The following PUS7 variants were observed in gnomAD, a reference collection of about 807,000 sequenced individuals.
The protein encoded by PUS7 is pseudouridylate synthase 7 homolog.
A neutral mutation model predicts 79.8 loss-of-function variants in PUS7; 48 were observed. The ratio of observed to expected loss-of-function variants is 0.60; its 90% CI spans 0.48 to 0.76. The LOEUF (loss-of-function observed/expected upper bound fraction) is 0.76. Among genes scored for constraint, PUS7 ranks in the 30% least tolerant of loss-of-function variants. The pLI is 0.00. For synonymous variants in PUS7, 286 were observed against 272.2 expected, an observed-to-expected ratio of 1.05 and a Z score of -0.50; for missense variants, 729 against 797.6, an observed-to-expected ratio of 0.91 and a Z score of 1.04.
chr7:105,517,965 T>C (rs1825958321), intron 1 of PUS7, among the ~76,000 whole-genome samples: 1 of 152,162 alleles, frequency 6.6e-6, no homozygotes, highest in African/African-American at 2.4e-5. Context: ...CTGGCCAGCA[T>C]GGCGAAACCC....
intron 7 of PUS7, among the ~76,000 whole-genome samples, chr7:105,487,416 G>A (rs1824595397): frequency 6.6e-6 from 1 of 152,130 alleles, no homozygotes; most frequent in Non-Finnish European, 1.5e-5. Flanking sequence ...GTATATATCA[G>A]TATTTTGTTT....
At position 105,472,169 on chromosome 7, in the gene PUS7, T is replaced by C; in HGVS notation, c.1200A>G (p.Thr400=). Residue 400 remains threonine (T), a synonymous_variant, in exon 10 of 16, where the codon ACA becomes ACG. Coordinates refer to ENST00000469408, the MANE Select transcript of PUS7 (RefSeq NM_019042.5). ...GTTTCAATATTAAATCCATGACTTC[T>C]GTCCAGGAATTTTGTAGTATAGCTC... ...VGRAILQNSW[T]EVMDLILKPR... 4 of 1,600,452 alleles carry C rather than the reference T, an allele frequency of 2.5e-6. No individual in the cohort carries two copies. Among genetic ancestry groups the C allele is most frequent in the Non-Finnish European group, 3.4e-6 (4 of 1,169,242 alleles).
intron 1 of PUS7, among the ~76,000 whole-genome samples, chr7:105,512,434 A>T (rs1449229064): frequency 6.6e-6 from 1 of 152,174 alleles, no homozygotes; most frequent in Non-Finnish European, 1.5e-5. Context: ...GGGCTTACAC[A>T]AGGACCGGGA....
intron 2 of PUS7, among the ~76,000 whole-genome samples, chr7:105,507,145 A>C (rs1032230158): frequency 7.9e-5 from 12 of 151,898 alleles, no homozygotes; most frequent in African/African-American, 2.7e-4. Context: ...TCCTGGGTTC[A>C]AGTGATTCTC....
At chr7:105,488,624 T>TA (rs1191558451) in intron 7 of PUS7, among the ~76,000 whole-genome samples, 1 of 152,156 alleles carries the variant, frequency 6.6e-6, no homozygotes, top group Admixed American at 6.5e-5. Flanking sequence ...CATTCAAAAA[T>TA]AGAGTAATAG....
intron 5 of PUS7, among the ~76,000 whole-genome samples, chr7:105,499,927 T>C (rs946635864): frequency 2.6e-5 from 4 of 152,190 alleles, no homozygotes; most frequent in Admixed American, 6.5e-5. Flanking sequence ...ACAATAATCT[T>C]TGGATACCAG....
chr7:105,494,402 ATTTTTTTTT>A (rs756519297), intron 6 of PUS7, among the ~76,000 whole-genome samples: 2,608 of 87,744 alleles, frequency 0.03, 43 homozygotes, highest in Non-Finnish European at 0.04. Flanking sequence ...ATGATCAGTG[ATTTTTTTTT>A]TTTTTTTTTT....
chr7:105,475,819 CTCTA>C, intron 9 of PUS7, among the ~76,000 whole-genome samples: 1 of 152,202 alleles, frequency 6.6e-6, no homozygotes, highest in East Asian at 1.9e-4. Flanking sequence ...CCAGCTGAAA[CTCTA>C]TACCCATTAA....
intron 1 of PUS7, among the ~76,000 whole-genome samples, chr7:105,517,698 G>A (rs1423840832): frequency 6.6e-6 from 1 of 152,094 alleles, no homozygotes. Flanking sequence ...ACCAGTTTAA[G>A]GCTGCAGTAA....
intron 1 of PUS7, among the ~76,000 whole-genome samples, chr7:105,513,868 G>C (rs1825792232): frequency 7.1e-6 from 1 of 140,922 alleles, no homozygotes; most frequent in African/African-American, 2.6e-5. Context: ...TATTATGGAT[G>C]ATTTACATAG....
intron 4 of PUS7, 45 bp from the exon 5 acceptor site, chr7:105,502,609 TAA>T (rs1825300972): frequency 6.3e-7 from 1 of 1,594,198 alleles, no homozygotes; most frequent in Non-Finnish European, 8.6e-7. Context: ...TAACAAACAT[TAA>T]ATAGGGAAGT....
intron 4 of PUS7, among the ~76,000 whole-genome samples, chr7:105,504,497 C>A (rs971310862): frequency 6.6e-6 from 1 of 152,108 alleles, no homozygotes; most frequent in Non-Finnish European, 1.5e-5. Context: ...GCAAGGAGAA[C>A]GACAGTTTGT....
intron 6 of PUS7, 44 bp from the exon 7 acceptor site, chr7:105,491,661 T>C (rs2133176535): frequency 9.0e-7 from 1 of 1,107,980 alleles, no homozygotes; most frequent in Non-Finnish European, 1.4e-6. Flanking sequence ...CATACTGTAA[T>C]ATTATAAGGA....
chr7:105,499,156 G>A (rs1317785417), intron 5 of PUS7, among the ~76,000 whole-genome samples: 1 of 152,190 alleles, frequency 6.6e-6, no homozygotes, highest in African/African-American at 2.4e-5. Flanking sequence ...CTTCCATGTT[G>A]CTAAACTGAT....
chr7:105,464,805 CCT>C (rs990585831), intron 13 of PUS7, among the ~76,000 whole-genome samples: 3 of 144,058 alleles, frequency 2.1e-5, no homozygotes, highest in African/African-American at 7.7e-5. Flanking sequence ...AACAAATCCC[CCT>C]CTTCCCTTTT....
At chr7:105,465,495 T>C (rs1823602545) in intron 12 of PUS7, 81 bp from the exon 13 acceptor site, 1 of 1,050,780 alleles carries the variant, frequency 9.5e-7, no homozygotes, top group African/African-American at 1.6e-5. Flanking sequence ...TATATACATC[T>C]AAGCAAGTCA....
At position 105,465,748 on chromosome 7, in the gene PUS7, G is replaced by A. The variant is rs143817780; in HGVS notation, c.1526-334C>T. Among the ~76,000 whole-genome samples, 263 of 152,264 alleles carry A rather than the reference G, an allele frequency of 1.7e-3. 2 individuals are homozygous for A. The highest frequency in any genetic ancestry group is 5.8e-3 in the African/African-American group (242 of 41,564). ...CTCGGGAGGCTGAGGCAGGAGAATTGCTTGAACCCGGGAGGCGGAGGTTGC... is the reference window on the plus strand; with the variant it reads ...CTCGGGAGGCTGAGGCAGGAGAATTACTTGAACCCGGGAGGCGGAGGTTGC... On this transcript the variant is annotated intron_variant, in intron 12 of 15. Coordinates refer to ENST00000469408, the MANE Select transcript of PUS7 (RefSeq NM_019042.5).
chr7:105,498,675 C>T (rs1825131466), intron 5 of PUS7, among the ~76,000 whole-genome samples: 1 of 152,248 alleles, frequency 6.6e-6, no homozygotes, highest in Admixed American at 6.5e-5. Flanking sequence ...CATCACACCC[C>T]TGCACACCAA....
chr7:105,489,025 G>A (rs1824669928), intron 7 of PUS7, among the ~76,000 whole-genome samples: 1 of 151,680 alleles, frequency 6.6e-6, no homozygotes, highest in Non-Finnish European at 1.5e-5. Context: ...GCGGGCGCCT[G>A]TAGTCCCAGC....
Sources: gnomAD v4.1 joint callset for allele counts (sites outside exome capture counted in the v4.1 genomes callset) on GRCh38, gnomAD v4.1.1 for gene constraint, MANE v1.5 for transcripts, NCBI Gene and HGNC (gene_info 2026-07-23, HGNC 2026-07-21) for gene names.